CPLANE1: variants seen among roughly 807,000 people sequenced by gnomAD.
The protein encoded by CPLANE1 is ciliogenesis and planar polarity effector 1.
A neutral mutation model predicts 362.5 loss-of-function variants in CPLANE1; 263 were observed. The observed-to-expected ratio is 0.73, with a 90% confidence interval of 0.66 to 0.80. The LOEUF (loss-of-function observed/expected upper bound fraction) is 0.80. Among genes scored for constraint, CPLANE1 ranks in the 30% least tolerant of loss-of-function variants. CPLANE1 has a pLI of 0.00. For synonymous variants in CPLANE1, 1,212 were observed against 1,302.6 expected (o/e 0.93, Z 1.50); for missense variants, 3,461 against 3,793.4 (o/e 0.91, Z 2.30).
In CPLANE1 at chr5:37,125,301, A is replaced by G. The variant is rs754403122; in HGVS notation, c.8901T>C (p.Asn2967=). The G allele has an allele frequency of 1.2e-6, 2 of 1,614,020 alleles. No individual in the cohort carries two copies. Among genetic ancestry groups the G allele is most frequent in the Non-Finnish European group, 1.7e-6 (2 of 1,179,962 alleles). Residue 2967 remains asparagine (N), a synonymous_variant, in exon 47 of 53, where the codon AAT becomes AAC. Coordinates refer to ENST00000651892, the MANE Select transcript of CPLANE1 (RefSeq NM_001384732.1). The part of the protein sequence containing the change: ...KRKERMAKYL[N]ELAEKRGQEH... ...CTTGCCCTCTCTTTTCTGCCAGCTC[A>G]TTTAAGTACTTTGCCATTCTTTCTT...
Position 37,238,860 on chromosome 5 carries a change from A to G in CPLANE1, c.935T>C (p.Ile312Thr), listed in dbSNP as rs763561354. Residue 312 changes from isoleucine to threonine, a missense_variant, in exon 8 of 53, where the codon ATT becomes ACT. Ile to Thr is a moderately conservative substitution (Grantham distance 89). Transcript: ENST00000651892. The stretch of plus-strand genomic sequence containing the variant: ...AGACAGACAAAAGAGTTCTTACCTA[A>G]TAAGTGTAGCTGGAACCACGGGACT... ...NKSPVVPATL[I>T]RSYWVGDISW... 5.8e-5 allele frequency: 87 copies of G among 1,488,832 alleles called. No individual in the cohort carries two copies. Among genetic ancestry groups the G allele is most frequent in the Non-Finnish European group, 7.5e-5 (84 of 1,113,044 alleles). 92.2% of individuals were successfully genotyped at this position (1,488,832 alleles called of 1,614,324 possible). A position where few individuals can be genotyped will look rare whatever the true frequency, so the allele number is the denominator to read the frequency against.
In CPLANE1 at chr5:37,237,252, G is replaced by A. The variant is rs148954040; in HGVS notation, c.938+1605C>T. Among the ~76,000 whole-genome samples the A allele has an allele frequency of 2.1e-3, 319 of 152,316 alleles. 1 individual carries two copies. The highest frequency in any genetic ancestry group is 3.2e-3 in the Non-Finnish European group (216 of 68,028). ...GGTGTGTGTATATATATGTATCATG[G>A]AATGCTACTCTGCCATAAAACAAAT... is the stretch of plus-strand genomic sequence containing the variant. On this transcript the variant is annotated intron_variant, in intron 8 of 52. Coordinates refer to ENST00000651892, the MANE Select transcript of CPLANE1 (RefSeq NM_001384732.1).
intron 43 of CPLANE1, among the ~76,000 whole-genome samples, chr5:37,144,420 G>A (rs2098712): frequency 1.2e-4 from 16 of 129,768 alleles, no homozygotes; most frequent in East Asian, 4.6e-4. Flanking sequence ...AAAAAAAAAA[G>A]AAGTGGATGC....
chr5:37,153,427 A>C (rs572491714), intron 42 of CPLANE1, among the ~76,000 whole-genome samples: 1 of 152,304 alleles, frequency 6.6e-6, no homozygotes, highest in East Asian at 1.9e-4. Flanking sequence ...TTCTCAACTG[A>C]GGGTGATTTT....
At chr5:37,247,783 T>C in intron 1 of CPLANE1, 38 bp from the exon 2 acceptor site, 1 of 1,338,314 alleles carries the variant, frequency 7.5e-7, no homozygotes, top group Non-Finnish European at 9.9e-7. Context: ...AAATGATGCA[T>C]AATATTCACT....
chr5:37,224,457 A>T, intron 13 of CPLANE1, 75 bp downstream of exon 13: 1 of 1,320,924 alleles, frequency 7.6e-7, no homozygotes, highest in South Asian at 1.4e-5. Context: ...AATCATTACA[A>T]CCAATTAGAA....
rs1796016929 is a variant in CPLANE1, at chr5:37,224,450, C to A, written c.2500+82G>T. On this transcript the variant is annotated intron_variant, in intron 13 of 52. Coordinates refer to ENST00000651892, the MANE Select transcript of CPLANE1 (RefSeq NM_001384732.1). The stretch of plus-strand genomic sequence containing the variant: ...CCAGAAATTATTTTGAAAAACAAAT[C>A]ATTACAACCAATTAGAAATTCAAAG... 6.9e-6 allele frequency: 9 copies of A among 1,306,536 alleles called. No individual in the cohort carries two copies. In the Admixed American group the frequency reaches 1.6e-4, roughly 23 times the overall value. The allele number at this position is 1,306,536 out of a possible 1,614,324, so 80.9% of individuals were successfully genotyped here.
At chr5:37,120,086 C>T in intron 50 of CPLANE1, 130 bp downstream of exon 50, 2 of 885,634 alleles carry the variant, frequency 2.3e-6, no homozygotes, top group South Asian at 1.8e-5. Context: ...TTTATCAATG[C>T]CTCGCCTTCT....
chr5:37,132,880 T>C (rs1296711378), intron 46 of CPLANE1, among the ~76,000 whole-genome samples: 1 of 152,192 alleles, frequency 6.6e-6, no homozygotes, highest in Non-Finnish European at 1.5e-5. Context: ...TTTCCTAAGT[T>C]TCTTCTAGGA....
the CPLANE1 span, among the ~76,000 whole-genome samples, chr5:37,088,442 A>C: frequency 1.3e-5 from 2 of 152,226 alleles, no homozygotes; most frequent in African/African-American, 2.4e-5. Context: ...TTCTATGCGG[A>C]GATCCAGGTC....
At position 37,125,237 on chromosome 5, in the gene CPLANE1, G is replaced by C; in HGVS notation, c.8958+7C>G. On this transcript the variant is annotated splice_region_variant and intron_variant, in intron 47 of 52. Coordinates refer to ENST00000651892, the MANE Select transcript of CPLANE1 (RefSeq NM_001384732.1). ...TAATTCCATTACCCTTGACATGGCA[G>C]ACTTACTGGATTGCTTCTGGGACAG... The C allele has an allele frequency of 1.2e-6, 2 of 1,608,430 alleles. No individual in the cohort carries two copies. Among genetic ancestry groups the C allele is most frequent in the Non-Finnish European group, 1.7e-6 (2 of 1,177,870 alleles).
intron 16 of CPLANE1, chr5:37,211,634 C>A (rs1427333680): frequency 2.4e-6 from 2 of 823,506 alleles, no homozygotes; most frequent in Non-Finnish European, 2.2e-6. Flanking sequence ...AAGGTCTGGG[C>A]AGATCACACA....
Position 37,107,471 on chromosome 5 carries a change from T to C in CPLANE1, c.*131A>G. On this transcript the variant is annotated 3_prime_UTR_variant, in exon 53 of 53. Coordinates refer to ENST00000651892, the MANE Select transcript of CPLANE1 (RefSeq NM_001384732.1). ...TTCCTCTGGTAATGGCTAATCCAGG[T>C]AATAATATGAAAGCAAATGGAAAAT... 7.6e-7 allele frequency: 1 copy of C among 1,318,768 alleles called. No individual in the cohort carries two copies. Among genetic ancestry groups the C allele is most frequent in the Non-Finnish European group, 9.7e-7 (1 of 1,027,348 alleles). The allele number at this position is 1,318,768 out of a possible 1,614,324, so 81.7% of individuals were successfully genotyped here.
intron 8 of CPLANE1, among the ~76,000 whole-genome samples, chr5:37,232,026 G>A (rs1797834917): frequency 1.3e-5 from 2 of 152,096 alleles, no homozygotes; most frequent in South Asian, 2.1e-4. Context: ...GGCAGGGCTA[G>A]ATAAACCTAA....
intron 46 of CPLANE1, among the ~76,000 whole-genome samples, chr5:37,133,308 T>C (rs1407266823): frequency 2.0e-5 from 3 of 152,168 alleles, no homozygotes; most frequent in Non-Finnish European, 4.4e-5. Context: ...TAATTCTGTT[T>C]AAAATGATAT....
chr5:37,183,750 A>T (rs1783263392), intron 25 of CPLANE1, 51 bp from the exon 26 acceptor site: 1 of 1,259,564 alleles, frequency 7.9e-7, no homozygotes, highest in African/African-American at 1.5e-5. Flanking sequence ...TTAATCACTA[A>T]AACTGATCTT....
At chr5:37,118,867 C>A (rs905305856) in intron 50 of CPLANE1, among the ~76,000 whole-genome samples, 10 of 152,158 alleles carry the variant, frequency 6.6e-5, no homozygotes, top group African/African-American at 2.2e-4. Flanking sequence ...GCGCACACCA[C>A]CACGCCCAGC....
At chr5:37,104,972 TG>T (rs1445016587), downstream of CPLANE1, among the ~76,000 whole-genome samples, 1 of 152,064 alleles carries the variant, frequency 6.6e-6, no homozygotes, top group Non-Finnish European at 1.5e-5. Flanking sequence ...AGCACTGAAC[TG>T]GTATAAAAAC....
chr5:37,236,336 C>T (rs1187426164), intron 8 of CPLANE1, among the ~76,000 whole-genome samples: 1 of 152,034 alleles, frequency 6.6e-6, no homozygotes, highest in Non-Finnish European at 1.5e-5. Context: ...AAAGGACACC[C>T]TATTCAATAA....
Sources: allele counts gnomAD v4.1 joint callset (sites outside exome capture counted in the v4.1 genomes callset), GRCh38; gene constraint gnomAD v4.1.1; transcripts MANE v1.5; gene names NCBI Gene and HGNC (gene_info 2026-07-23, HGNC 2026-07-21).